The following SORCS1 variants were observed in gnomAD, a reference collection of about 807,000 sequenced individuals.
The protein encoded by SORCS1 is VPS10 domain-containing receptor SorCS1.
SORCS1 carries 60 observed loss-of-function variants against 146.1 expected under a neutral mutation model. The observed-to-expected ratio is 0.41, with a 90% confidence interval of 0.33 to 0.51. The LOEUF (loss-of-function observed/expected upper bound fraction) is 0.51. Ranked by LOEUF, SORCS1 falls within the 20% of genes least tolerant of loss-of-function variation. The pLI, the probability that SORCS1 is intolerant of heterozygous loss-of-function variation, is 0.21. For synonymous variants in SORCS1, 637 were observed against 584.0 expected (o/e 1.09, Z -1.31); for missense variants, 1,352 against 1,487.6 (o/e 0.91, Z 1.50).
chr10:106,890,934 C>G (rs1473204332), intron 2 of SORCS1, among the ~76,000 whole-genome samples: 1 of 152,040 alleles, frequency 6.6e-6, no homozygotes. Context: ...TTTATAGTAA[C>G]CATGACAGCT....
intron 2 of SORCS1, among the ~76,000 whole-genome samples, chr10:106,891,845 GAC>G (rs1951249925): frequency 6.6e-6 from 1 of 152,082 alleles, no homozygotes; most frequent in African/African-American, 2.4e-5. Flanking sequence ...CTGTAGTTTT[GAC>G]AATCTACTCC....
chr10:106,917,810 T>G (rs968336410), intron 2 of SORCS1, among the ~76,000 whole-genome samples: 1 of 152,178 alleles, frequency 6.6e-6, no homozygotes, highest in Non-Finnish European at 1.5e-5. Context: ...CTGAGAGAAA[T>G]TGTTCCACTA....
intron 1 of SORCS1, among the ~76,000 whole-genome samples, chr10:107,039,908 A>G (rs1959082798): frequency 6.6e-6 from 1 of 152,172 alleles, no homozygotes; most frequent in South Asian, 2.1e-4. Flanking sequence ...CCAAAAGTTC[A>G]AGACCAATCT....
intron 1 of SORCS1, among the ~76,000 whole-genome samples, chr10:107,139,334 A>C (rs1372647291): frequency 2.0e-5 from 3 of 152,138 alleles, no homozygotes; most frequent in Non-Finnish European, 2.9e-5. Flanking sequence ...GCTTATTTGG[A>C]AACTCTGAAG....
chr10:106,770,679 A>G (rs1429548317), intron 4 of SORCS1, among the ~76,000 whole-genome samples: 1 of 152,196 alleles, frequency 6.6e-6, no homozygotes, highest in East Asian at 1.9e-4. Flanking sequence ...TCACATTGAA[A>G]ACAAAGCAGA....
chr10:106,811,016 C>T (rs1354666515), intron 3 of SORCS1, among the ~76,000 whole-genome samples: 1 of 151,496 alleles, frequency 6.6e-6, no homozygotes. Flanking sequence ...TCTTGGCTCA[C>T]TGCAACCTCC....
chr10:106,603,817 C>CA (rs763564925), intron 23 of SORCS1, among the ~76,000 whole-genome samples: 2 of 152,194 alleles, frequency 1.3e-5, no homozygotes, highest in Non-Finnish European at 1.5e-5. Context: ...TGCCTCCCAG[C>CA]ATTCCCTCTC....
chr10:107,087,152 T>C (rs1963823251), intron 1 of SORCS1, among the ~76,000 whole-genome samples: 2 of 152,256 alleles, frequency 1.3e-5, no homozygotes, highest in Non-Finnish European at 1.5e-5. Flanking sequence ...TAAGTCCGTC[T>C]TGGGGTTGTC....
chr10:107,179,854 C>G, the SORCS1 span, among the ~76,000 whole-genome samples: 10 of 147,340 alleles, frequency 6.8e-5, no homozygotes, highest in Non-Finnish European at 1.3e-4. Context: ...TGTTTTCCCA[C>G]TCTTTAGCAT....
At chr10:107,092,546 A>G (rs1964261842) in intron 1 of SORCS1, among the ~76,000 whole-genome samples, 2 of 152,170 alleles carry the variant, frequency 1.3e-5, no homozygotes, top group Non-Finnish European at 2.9e-5. Context: ...GCTGCAGTCC[A>G]ATATGCCTGC....
chr10:107,063,149 C>T (rs2134127313), intron 1 of SORCS1, among the ~76,000 whole-genome samples: 1 of 152,194 alleles, frequency 6.6e-6, no homozygotes, highest in Admixed American at 6.5e-5. Flanking sequence ...AAATATGCAT[C>T]AATAAATATA....
the SORCS1 span, among the ~76,000 whole-genome samples, chr10:107,171,306 C>A: frequency 6.6e-6 from 1 of 152,140 alleles, no homozygotes; most frequent in African/African-American, 2.4e-5. Context: ...ACTCTGGAAG[C>A]AAATTGAAAG....
At chr10:107,018,421 C>T (rs1047856291) in intron 1 of SORCS1, among the ~76,000 whole-genome samples, 2 of 150,256 alleles carry the variant, frequency 1.3e-5, no homozygotes, top group Non-Finnish European at 3.0e-5. Context: ...CTCCTTACCT[C>T]GTGATCCACC....
intron 1 of SORCS1, among the ~76,000 whole-genome samples, chr10:107,129,003 A>G (rs548311553): frequency 6.6e-6 from 1 of 152,338 alleles, no homozygotes; most frequent in Non-Finnish European, 1.5e-5. Context: ...TTTGCAAAAA[A>G]GGATGCTCTT....
chr10:106,987,916 T>C (rs1956555508), intron 1 of SORCS1, among the ~76,000 whole-genome samples: 1 of 152,210 alleles, frequency 6.6e-6, no homozygotes, highest in Non-Finnish European at 1.5e-5. Flanking sequence ...TCTTTTCTTT[T>C]CTGAATTTAT....
In SORCS1 at chr10:107,038,753, A is replaced by G. The variant is rs896532879; in HGVS notation, c.559-82173T>C. On this transcript the variant is annotated intron_variant, in intron 1 of 25. Transcript: ENST00000263054. ...TGAGATAATGCACATTTAATATTCAATATTATACTCTGTCTTTTAATCCCT... is the reference window on the plus strand; with the variant it reads ...TGAGATAATGCACATTTAATATTCAGTATTATACTCTGTCTTTTAATCCCT... Among the ~76,000 whole-genome samples, 9 of 152,136 alleles carry G rather than the reference A, an allele frequency of 5.9e-5. 1 individual carries two copies. The highest frequency in any genetic ancestry group is 3.9e-4 in the Admixed American group (6 of 15,276).
In SORCS1 at chr10:106,836,966, T is replaced by C. The variant is rs190539462; in HGVS notation, c.627-7293A>G. Among the ~76,000 whole-genome samples the C allele has an allele frequency of 2.5e-3, 377 of 152,344 alleles. 1 individual carries two copies. Among genetic ancestry groups the C allele is most frequent in the Non-Finnish European group, 3.2e-3 (218 of 68,024 alleles). ...AACACAACTGGAATTAGTCACTCAC[T>C]GTTACCCACTGCAGTGCCTACATGT... On this transcript the variant is annotated intron_variant, in intron 2 of 25. Coordinates refer to ENST00000263054, the MANE Select transcript of SORCS1 (RefSeq NM_052918.5).
At chr10:106,616,391 G>A (rs1167833591) in intron 21 of SORCS1, among the ~76,000 whole-genome samples, 7 of 152,172 alleles carry the variant, frequency 4.6e-5, no homozygotes, top group Admixed American at 3.3e-4. Context: ...AGTCTAGATG[G>A]GTTGGGTTGC....
At chr10:106,953,486 A>AC (rs1371301568) in intron 2 of SORCS1, among the ~76,000 whole-genome samples, 3 of 151,878 alleles carry the variant, frequency 2.0e-5, no homozygotes, top group East Asian at 3.9e-4. Flanking sequence ...GGTTGAATTA[A>AC]CAGATCTAAA....
Sources: gnomAD v4.1 joint callset for allele counts (sites outside exome capture counted in the v4.1 genomes callset) on GRCh38, gnomAD v4.1.1 for gene constraint, MANE v1.5 for transcripts, NCBI Gene and HGNC (gene_info 2026-07-23, HGNC 2026-07-21) for gene names.